The following TRIM44 variants were observed in gnomAD, a reference collection of about 807,000 sequenced individuals.
TRIM44 encodes the protein tripartite motif-containing protein 44.
Under a neutral mutation model 37.4 loss-of-function variants are expected in TRIM44, and 13 were observed. The observed-to-expected ratio is 0.35, with a 90% CI of 0.23 to 0.55. TRIM44 has a LOEUF of 0.55. Among genes scored for constraint, TRIM44 ranks in the 20% least tolerant of loss-of-function variants. The pLI is 0.89. For synonymous variants in TRIM44, 175 were observed against 157.2 expected (o/e 1.11, Z -0.85); for missense variants, 426 against 437.2 (o/e 0.97, Z 0.23).
At chr11:35,715,732 C>A (rs1481689937) in intron 2 of TRIM44, among the ~76,000 whole-genome samples, 1 of 152,066 alleles carries the variant, frequency 6.6e-6, no homozygotes, top group Non-Finnish European at 1.5e-5. Context: ...TTAATTGGCT[C>A]ACGGTTCTGC....
rs943261306 is a variant in TRIM44, at chr11:35,706,165, A to T, written c.748-19759A>T. The stretch of plus-strand genomic sequence containing the variant: ...GCAAATAAATTAGAAAATCTAGAAG[A>T]AATGGATAAATTCCTTGACACATGC... On this transcript the variant is annotated intron_variant, in intron 2 of 4. Transcript: ENST00000299413. 2.7e-5 allele frequency among the ~76,000 whole-genome samples: 4 copies of T among 149,158 alleles called. 1 individual carries two copies. Among genetic ancestry groups the T allele is most frequent in the Non-Finnish European group, 6.0e-5 (4 of 66,264 alleles).
intron 3 of TRIM44, among the ~76,000 whole-genome samples, chr11:35,726,801 AC>A (rs1357368882): frequency 1.3e-5 from 2 of 152,092 alleles, no homozygotes; most frequent in Non-Finnish European, 2.9e-5. Context: ...TAGGCATTTT[AC>A]CAAACAACAT....
intron 2 of TRIM44, among the ~76,000 whole-genome samples, chr11:35,691,754 C>T (rs1056249134): frequency 6.6e-6 from 1 of 152,188 alleles, no homozygotes; most frequent in African/African-American, 2.4e-5. Flanking sequence ...ACACCATTCT[C>T]CTGCCTCAGC....
In TRIM44 at chr11:35,815,454, T is replaced by G. The variant is rs1182561924; in HGVS notation, c.*9069T>G. Reference sequence around the variant, plus strand: ...GGAGTGTCAGTAGGGTAGTTTCAGGTGGGGAGGATGACAAACCACTGATAA... The same window carrying G: ...GGAGTGTCAGTAGGGTAGTTTCAGGGGGGGAGGATGACAAACCACTGATAA... On this transcript the variant is annotated 3_prime_UTR_variant, in exon 5 of 5. Coordinates refer to ENST00000299413, the MANE Select transcript of TRIM44 (RefSeq NM_017583.6). 6.6e-6 allele frequency: 1 copy of G among 152,172 alleles called. No individual in the cohort carries two copies. Among genetic ancestry groups the G allele is most frequent in the South Asian group, 2.1e-4 (1 of 4,816 alleles). The allele number at this position is 152,172 out of a possible 1,614,324, so 9.4% of individuals were successfully genotyped here.
At chr11:35,755,750 A>T (rs1427498744) in intron 4 of TRIM44, among the ~76,000 whole-genome samples, 1 of 152,100 alleles carries the variant, frequency 6.6e-6, no homozygotes, top group Admixed American at 6.5e-5. Context: ...AGCACCATTT[A>T]TTAAATAGGG....
intron 4 of TRIM44, among the ~76,000 whole-genome samples, chr11:35,781,873 C>T (rs965822364): frequency 3.9e-5 from 6 of 152,116 alleles, no homozygotes; most frequent in African/African-American, 9.7e-5. Flanking sequence ...AAAGCAGTAA[C>T]GGGAACTAGA....
intron 2 of TRIM44, among the ~76,000 whole-genome samples, chr11:35,725,650 A>G (rs1425656322): frequency 6.6e-6 from 1 of 152,092 alleles, no homozygotes; most frequent in Non-Finnish European, 1.5e-5. Context: ...TTTTTACTGT[A>G]TATATTCATC....
rs1853597535 is a variant in TRIM44, at chr11:35,817,900, C to T, written c.*11515C>T. 6.6e-6 allele frequency: 1 copy of T among 152,166 alleles called. No individual in the cohort carries two copies. The highest frequency in any genetic ancestry group is 1.5e-5 in the Non-Finnish European group (1 of 68,048). 9.4% of individuals were successfully genotyped at this position (152,166 alleles called of 1,614,324 possible). On this transcript the variant is annotated 3_prime_UTR_variant, in exon 5 of 5. Transcript: ENST00000299413. ...TGCTCACTCCCCCTTTGCCTTCCAC[C>T]ATGATTGTAAGTTTCCTGAAGCCTC...
intron 1 of TRIM44, among the ~76,000 whole-genome samples, chr11:35,679,965 C>G (rs934255411): frequency 6.6e-6 from 1 of 152,150 alleles, no homozygotes; most frequent in South Asian, 2.1e-4. Flanking sequence ...GTGCAATGCT[C>G]TTTACATTTG....
At chr11:35,722,627 A>T (rs548500701) in intron 2 of TRIM44, among the ~76,000 whole-genome samples, 7 of 152,342 alleles carry the variant, frequency 4.6e-5, no homozygotes, top group African/African-American at 1.4e-4. Flanking sequence ...GTGGGACTGT[A>T]ATGGTGAGGA....
At chr11:35,789,636 GA>G (rs1440130901) in intron 4 of TRIM44, among the ~76,000 whole-genome samples, 2 of 152,196 alleles carry the variant, frequency 1.3e-5, no homozygotes, top group Non-Finnish European at 2.9e-5. Context: ...GCAAGGTTGA[GA>G]GTTCTGACAG....
chr11:35,719,351 A>C (rs1590371), intron 2 of TRIM44, among the ~76,000 whole-genome samples: 27 of 152,106 alleles, frequency 1.8e-4, no homozygotes, highest in Non-Finnish European at 2.8e-4. Flanking sequence ...GCATCTTTTC[A>C]TGTGCTTATT....
intron 4 of TRIM44, among the ~76,000 whole-genome samples, chr11:35,779,909 T>G (rs2133871291): frequency 6.7e-6 from 1 of 150,080 alleles, no homozygotes; most frequent in Admixed American, 6.7e-5. Flanking sequence ...AAAGATCAGA[T>G]GGCTATAGGT....
chr11:35,693,365 C>T (rs1051203096), intron 2 of TRIM44, among the ~76,000 whole-genome samples: 4 of 151,992 alleles, frequency 2.6e-5, no homozygotes, highest in African/African-American at 9.7e-5. Flanking sequence ...GTCAGTATTA[C>T]CATCATAAAT....
At chr11:35,686,998 A>G (rs955637621) in intron 2 of TRIM44, among the ~76,000 whole-genome samples, 3 of 152,204 alleles carry the variant, frequency 2.0e-5, no homozygotes, top group African/African-American at 7.2e-5. Context: ...CAACACTGTA[A>G]AGTAGCATTT....
intron 4 of TRIM44, among the ~76,000 whole-genome samples, chr11:35,742,768 T>A (rs1852426408): frequency 9.0e-6 from 1 of 110,652 alleles, no homozygotes; most frequent in Non-Finnish European, 1.7e-5. Flanking sequence ...TTATGTATTA[T>A]ATATTACATA....
At chr11:35,806,165 C>T (rs1056067220) in intron 4 of TRIM44, among the ~76,000 whole-genome samples, 193 bp from the exon 5 acceptor site, 7 of 152,038 alleles carry the variant, frequency 4.6e-5, no homozygotes, top group Non-Finnish European at 8.8e-5. Context: ...ATCATCATTC[C>T]CCCTATGGCC....
chr11:35,707,228 G>A (rs1851897841), intron 2 of TRIM44, among the ~76,000 whole-genome samples: 2 of 152,140 alleles, frequency 1.3e-5, no homozygotes, highest in South Asian at 4.1e-4. Context: ...ACCTCTTCAA[G>A]GAGAACTACA....
intron 3 of TRIM44, among the ~76,000 whole-genome samples, chr11:35,729,402 A>G (rs1238484386): frequency 2.0e-5 from 3 of 152,134 alleles, no homozygotes; most frequent in Non-Finnish European, 2.9e-5. Context: ...CCCATCTCCT[A>G]TGCATCCGTA....
Sources: allele counts gnomAD v4.1 joint callset (sites outside exome capture counted in the v4.1 genomes callset), GRCh38; gene constraint gnomAD v4.1.1; transcripts MANE v1.5; gene names NCBI Gene and HGNC (gene_info 2026-07-23, HGNC 2026-07-21).